Variants in CAMK2G observed in about 807,000 individuals in gnomAD.
The protein encoded by CAMK2G is calcium/calmodulin dependent protein kinase II gamma.
Under a neutral mutation model 88.7 loss-of-function variants are expected in CAMK2G, and 23 were observed. That is an observed-to-expected ratio of 0.26 (90% CI 0.19 to 0.37). The LOEUF is 0.37. Ranked by LOEUF, CAMK2G falls within the 10% of genes least tolerant of loss-of-function variation. The probability of loss-of-function intolerance (pLI) is 1.00; values close to 1 mark genes in which losing one functional copy is unlikely to be tolerated. For missense variants in CAMK2G, 476 were observed against 780.8 expected, an observed-to-expected ratio of 0.61 and a Z score of 4.65; for synonymous variants, 263 against 294.8, an observed-to-expected ratio of 0.89 and a Z score of 1.11.
At chr10:73,828,416 A>T (rs537275983) in intron 14 of CAMK2G, among the ~76,000 whole-genome samples, 2 of 152,218 alleles carry the variant, frequency 1.3e-5, no homozygotes, top group African/African-American at 4.8e-5. Context: ...AGATTAAGAC[A>T]CAAGTCTGTG....
chr10:73,828,436 A>G (rs964264721), intron 14 of CAMK2G, among the ~76,000 whole-genome samples: 2 of 152,202 alleles, frequency 1.3e-5, no homozygotes, highest in African/African-American at 4.8e-5. Flanking sequence ...GAGGTTAAGT[A>G]TCATTTTGCT....
In CAMK2G at chr10:73,857,733, G is replaced by A. The variant is rs181118088; in HGVS notation, c.220+3097C>T. On this transcript the variant is annotated intron_variant, in intron 3 of 22. Coordinates refer to ENST00000423381, the MANE Select transcript of CAMK2G (RefSeq NM_001367534.1). Reference sequence around the variant, plus strand: ...GGAGCAGGCAGATCACAGGTAGAACGGACTTCATTCAGACCTCAGACCTCA... The same window carrying A: ...GGAGCAGGCAGATCACAGGTAGAACAGACTTCATTCAGACCTCAGACCTCA... Among the ~76,000 whole-genome samples, 8 of 152,232 alleles carry A rather than the reference G, an allele frequency of 5.3e-5. No individual in the cohort carries two copies. In the East Asian group the frequency reaches 7.7e-4, roughly 15 times the overall value.
chr10:73,840,760 A>G (rs1369976406), intron 12 of CAMK2G, among the ~76,000 whole-genome samples: 1 of 152,228 alleles, frequency 6.6e-6, no homozygotes, highest in East Asian at 1.9e-4. Flanking sequence ...CTGTCTTCAC[A>G]TTTCTTCAAC....
At chr10:73,861,590 AG>A (rs2095377247) in intron 2 of CAMK2G, among the ~76,000 whole-genome samples, 1 of 152,118 alleles carries the variant, frequency 6.6e-6, no homozygotes, top group Non-Finnish European at 1.5e-5. Flanking sequence ...TCCTGACCTC[AG>A]GTGATCCACC....
Position 73,817,005 on chromosome 10 carries a change from C to T in CAMK2G, c.1534+18G>A, listed in dbSNP as rs1342862449. The T allele has an allele frequency of 1.2e-6, 2 of 1,614,086 alleles. No homozygotes were observed. Among genetic ancestry groups the T allele is most frequent in the South Asian group, 1.1e-5 (1 of 91,076 alleles). ...AAAGGGGCAGGCAGGAGTATATCAG[C>T]AGCACGAACCCACTCACGATTCTCA... is the stretch of plus-strand genomic sequence containing the variant. On this transcript the variant is annotated intron_variant, in intron 21 of 22. Transcript: ENST00000423381.
intron 2 of CAMK2G, among the ~76,000 whole-genome samples, chr10:73,872,058 T>C (rs2095851409): frequency 6.6e-6 from 1 of 152,216 alleles, no homozygotes; most frequent in African/African-American, 2.4e-5. Context: ...TCACAACCTT[T>C]GTCCCCCAGC....
At chr10:73,865,392 C>T (rs1171966318) in intron 2 of CAMK2G, among the ~76,000 whole-genome samples, 1 of 152,222 alleles carries the variant, frequency 6.6e-6, no homozygotes, top group Non-Finnish European at 1.5e-5. Flanking sequence ...CTGCCATCCA[C>T]AAGCTCTCCT....
intron 14 of CAMK2G, among the ~76,000 whole-genome samples, chr10:73,834,890 C>A (rs1393412570): frequency 6.6e-6 from 1 of 152,342 alleles, no homozygotes; most frequent in East Asian, 1.9e-4. Context: ...CTCCCCTCCA[C>A]CTCAACAGTC....
intron 14 of CAMK2G, among the ~76,000 whole-genome samples, chr10:73,829,700 GGTGTGT>G (rs60725888): frequency 1.9e-4 from 26 of 138,436 alleles, no homozygotes; most frequent in East Asian, 4.3e-4. Context: ...TAAGTAGTGG[GGTGTGT>G]GTGTGTGTGT....
chr10:73,866,442 T>C (rs1194012783), intron 2 of CAMK2G, among the ~76,000 whole-genome samples: 2 of 152,024 alleles, frequency 1.3e-5, no homozygotes, highest in Non-Finnish European at 2.9e-5. Context: ...GGGATGGGCC[T>C]GCTTGACTTA....
intron 14 of CAMK2G, among the ~76,000 whole-genome samples, chr10:73,829,535 G>A (rs1475231442): frequency 1.3e-5 from 2 of 151,820 alleles, no homozygotes; most frequent in African/African-American, 4.8e-5. Flanking sequence ...CCTGACCTCA[G>A]GTGATCCACC....
At chr10:73,816,385 T>C (rs1348826940) in intron 21 of CAMK2G, 1 of 1,017,808 alleles carries the variant, frequency 9.8e-7, no homozygotes, top group Non-Finnish European at 1.2e-6. Context: ...GCTTAGTTCT[T>C]ATGTGCTGAG....
intron 21 of CAMK2G, among the ~76,000 whole-genome samples, chr10:73,815,619 C>T (rs1330004637): frequency 6.6e-6 from 1 of 152,130 alleles, no homozygotes; most frequent in Non-Finnish European, 1.5e-5. Context: ...GAACTCAGGA[C>T]CATGTGACTC....
chr10:73,818,568 C>G (rs925103985), intron 19 of CAMK2G: 4 of 398,946 alleles, frequency 1.0e-5, no homozygotes, highest in Non-Finnish European at 2.0e-5. Context: ...ACGGCCCAGC[C>G]GGGCCAGCAC....
intron 17 of CAMK2G, among the ~76,000 whole-genome samples, chr10:73,822,387 C>T (rs552766267): frequency 3.3e-5 from 5 of 152,176 alleles, no homozygotes; most frequent in South Asian, 4.2e-4. Flanking sequence ...AGGCTGGTCT[C>T]GAGCTCCTGA....
Position 73,813,169 on chromosome 10 carries a change from C to G in CAMK2G, c.*1349G>C, listed in dbSNP as rs1364181033. On this transcript the variant is annotated 3_prime_UTR_variant, in exon 23 of 23. Transcript: ENST00000423381. ...TGCTATCTGCTTAGGGTATAGATCT[C>G]TTCCTCCTGGAATGGAACTCCTTGA... 2 of 152,728 alleles carry G rather than the reference C, an allele frequency of 1.3e-5. No individual in the cohort carries two copies. The highest frequency in any genetic ancestry group is 3.8e-4 in the East Asian group (2 of 5,206). The allele number at this position is 152,728 out of a possible 1,614,324, so 9.5% of individuals were successfully genotyped here. A position where few individuals can be genotyped will look rare whatever the true frequency, so the allele number is the denominator to read the frequency against.
chr10:73,863,184 C>T (rs1159881205), intron 2 of CAMK2G, among the ~76,000 whole-genome samples: 1 of 152,220 alleles, frequency 6.6e-6, no homozygotes, highest in Non-Finnish European at 1.5e-5. Context: ...TCCTGCTGCC[C>T]AGCTAATCCG....
intron 10 of CAMK2G, among the ~76,000 whole-genome samples, chr10:73,844,517 C>T (rs2094077578): frequency 6.6e-6 from 1 of 152,196 alleles, no homozygotes. Context: ...TAGTGATTCT[C>T]ATGCCTCAGC....
intron 14 of CAMK2G, 37 bp downstream of exon 14, chr10:73,837,431 A>G (rs779144938): frequency 6.4e-7 from 1 of 1,565,302 alleles, no homozygotes; most frequent in South Asian, 1.1e-5. Flanking sequence ...CTGCGGGGAG[A>G]AAGAGGCCAG....
Sources: allele counts gnomAD v4.1 joint callset (sites outside exome capture counted in the v4.1 genomes callset), GRCh38; gene constraint gnomAD v4.1.1; transcripts MANE v1.5; gene names NCBI Gene and HGNC (gene_info 2026-07-23, HGNC 2026-07-21).